The following ATP6V1E1 variants were observed in gnomAD, a reference collection of about 807,000 sequenced individuals.
ATP6V1E1 encodes V-type proton ATPase subunit E 1.
A neutral mutation model predicts 35.2 loss-of-function variants in ATP6V1E1; 21 were observed. The observed-to-expected ratio is 0.60, with a 90% CI of 0.42 to 0.86. ATP6V1E1 has a LOEUF of 0.86. ATP6V1E1 is among the 40% of genes least tolerant of loss of function. ATP6V1E1 has a pLI of 0.00. For missense variants in ATP6V1E1, 183 were observed against 272.6 expected, an observed-to-expected ratio of 0.67 and a Z score of 2.32; for synonymous variants, 83 against 87.8, an observed-to-expected ratio of 0.95 and a Z score of 0.30.
chr22:17,592,603 T>G lies in ATP6V1E1; in HGVS notation c.*71A>C. 1 of 1,468,264 alleles carries G rather than the reference T, an allele frequency of 6.8e-7. No individual in the cohort carries two copies. The highest frequency in any genetic ancestry group is 1.4e-5 in the African/African-American group (1 of 71,646). The allele number at this position is 1,468,264 out of a possible 1,614,324, so 91.0% of individuals were successfully genotyped here. On this transcript the variant is annotated 3_prime_UTR_variant, in exon 9 of 9. Transcript: ENST00000253413. ...GAAGAGGAAGCTACAGAGACATTCG[T>G]GTTTCTTCAAATATCAGAAGCTTCC...
intron 4 of ATP6V1E1, among the ~76,000 whole-genome samples, chr22:17,610,466 C>T (rs2057809871): frequency 6.6e-6 from 1 of 152,060 alleles, no homozygotes; most frequent in Non-Finnish European, 1.5e-5. Context: ...TGATCTTTCT[C>T]AGAATCTTTT....
rs546648718 is a variant in ATP6V1E1 at position 17,621,272 on chromosome 22, C to G, written c.34-1746G>C. Among the ~76,000 whole-genome samples the G allele has an allele frequency of 3.3e-5, 5 of 152,234 alleles. No individual in the cohort carries two copies. In the South Asian group the frequency reaches 8.3e-4, roughly 25 times the overall value. ...ATCTTATCATGTAACACTCTACCCC[C>G]GCTTAAGATAAAGATTTTAGAAGGT... On this transcript the variant is annotated intron_variant, in intron 1 of 8. Transcript: ENST00000253413.
At chr22:17,608,187 T>C (rs779504154) in intron 4 of ATP6V1E1, among the ~76,000 whole-genome samples, 11 of 152,156 alleles carry the variant, frequency 7.2e-5, no homozygotes, top group Non-Finnish European at 1.5e-4. Flanking sequence ...ACTGTTAAAT[T>C]CAAACAGCTT....
At position 17,600,361 on chromosome 22, in the gene ATP6V1E1, C is replaced by CA. The variant is rs552010811; in HGVS notation, c.367-267dup. 2.2e-4 allele frequency among the ~76,000 whole-genome samples: 34 copies of CA among 152,204 alleles called. 1 individual carries two copies. The East Asian group carries it at 5.0e-3, about 22-fold the overall frequency. Reference sequence around the variant, plus strand: ...CTGAGGCAAGAGAATGGCTTGAACCCAGGAGACGGAGGTTGAAGTAAACAG... The same window carrying CA: ...CTGAGGCAAGAGAATGGCTTGAACCCAAGGAGACGGAGGTTGAAGTAAACAG... On this transcript the variant is annotated intron_variant, in intron 5 of 8. Coordinates refer to ENST00000253413, the MANE Select transcript of ATP6V1E1 (RefSeq NM_001696.4).
Position 17,628,695 on chromosome 22 carries a change from T to C in ATP6V1E1, c.-60A>G. On this transcript the variant is annotated 5_prime_UTR_variant, in exon 1 of 9. Transcript: ENST00000253413. ...TCGAGTTTAGGTTTGAAAGGTGAGG[T>C]GAGAGAAATCGGCAAAGGGAACCCC... The C allele has an allele frequency of 5.0e-6, 8 of 1,610,820 alleles. No homozygotes were observed. Among genetic ancestry groups the C allele is most frequent in the Non-Finnish European group, 6.8e-6 (8 of 1,177,204 alleles).
At chr22:17,604,086 A>G (rs1353735400) in intron 4 of ATP6V1E1, among the ~76,000 whole-genome samples, 1 of 152,254 alleles carries the variant, frequency 6.6e-6, no homozygotes, top group Non-Finnish European at 1.5e-5. Context: ...TAAGCAGGCT[A>G]GAACCTAATT....
At chr22:17,597,490 C>A (rs1487033677) in intron 7 of ATP6V1E1, among the ~76,000 whole-genome samples, 1 of 151,904 alleles carries the variant, frequency 6.6e-6, no homozygotes, top group South Asian at 2.1e-4. Context: ...AACCTAACTA[C>A]CAGGCATACA....
intron 8 of ATP6V1E1, 145 bp from the exon 9 acceptor site, chr22:17,592,881 A>G (rs537445186): frequency 1.4e-6 from 1 of 694,894 alleles, no homozygotes; most frequent in East Asian, 2.8e-5. Flanking sequence ...CGCTCATTGC[A>G]AGCTCACGCC....
intron 4 of ATP6V1E1, 193 bp downstream of exon 4, chr22:17,612,619 T>A: frequency 3.6e-6 from 2 of 560,288 alleles, no homozygotes. Flanking sequence ...GAGTCTTACA[T>A]GCTCTTTAGA....
rs924417042 is a variant in ATP6V1E1, at chr22:17,598,116, C to A, written c.530+78G>T. ...AGAGTGCGTTTAAATGGTGAAAATA[C>A]CATTTAAAAAAGGCCTGGTATAAAG... On this transcript the variant is annotated intron_variant, in intron 7 of 8. Coordinates refer to ENST00000253413, the MANE Select transcript of ATP6V1E1 (RefSeq NM_001696.4). 8.0e-6 allele frequency: 9 copies of A among 1,124,844 alleles called. No homozygotes were observed. In the African/African-American group the frequency reaches 1.4e-4, roughly 17 times the overall value. The allele number at this position is 1,124,844 out of a possible 1,614,324, so 69.7% of individuals were successfully genotyped here. A position where few individuals can be genotyped will look rare whatever the true frequency, so the allele number is the denominator to read the frequency against.
chr22:17,619,648 G>T, intron 1 of ATP6V1E1, 122 bp from the exon 2 acceptor site: 1 of 783,818 alleles, frequency 1.3e-6, no homozygotes, highest in Non-Finnish European at 2.0e-6. Flanking sequence ...CACTCTGGGG[G>T]GCCAAGGAGG....
At chr22:17,619,429 A>T in intron 2 of ATP6V1E1, 32 bp downstream of exon 2, 2 of 1,564,970 alleles carry the variant, frequency 1.3e-6, no homozygotes, top group Non-Finnish European at 1.7e-6. Flanking sequence ...GGAAACCTTG[A>T]TAACTTCTTA....
At chr22:17,613,792 C>A (rs1022660168) in intron 2 of ATP6V1E1, among the ~76,000 whole-genome samples, 18 of 151,674 alleles carry the variant, frequency 1.2e-4, no homozygotes, top group African/African-American at 4.1e-4. Context: ...ACGGTGAAAC[C>A]CTGTCTCTAC....
intron 1 of ATP6V1E1, among the ~76,000 whole-genome samples, chr22:17,620,923 G>C (rs761131399): frequency 1.5e-4 from 23 of 152,186 alleles, no homozygotes; most frequent in African/African-American, 5.5e-4. Context: ...ATTAGCCGGC[G>C]TGGTGGCGGG....
At chr22:17,628,124 T>C (rs1370397768) in intron 1 of ATP6V1E1, among the ~76,000 whole-genome samples, 1 of 151,780 alleles carries the variant, frequency 6.6e-6, no homozygotes, top group Non-Finnish European at 1.5e-5. Context: ...CGCCACCACG[T>C]CCGGCTAATT....
intron 4 of ATP6V1E1, among the ~76,000 whole-genome samples, chr22:17,603,914 C>T (rs1269785863): frequency 6.6e-6 from 1 of 152,160 alleles, no homozygotes; most frequent in Non-Finnish European, 1.5e-5. Flanking sequence ...GATAGACAGC[C>T]TGAGTATGGA....
Position 17,611,494 on chromosome 22 carries a change from C to A in ATP6V1E1, c.276+1318G>T, listed in dbSNP as rs571032939. Among the ~76,000 whole-genome samples, 3 of 152,278 alleles carry A rather than the reference C, an allele frequency of 2.0e-5. No individual in the cohort carries two copies. In the South Asian group the frequency reaches 6.2e-4, roughly 32 times the overall value. ...TCTCTATGGTGTCCTAAATATCAGT[C>A]CTTTACACTTAACATCCTCACTGAC... is the stretch of plus-strand genomic sequence containing the variant. On this transcript the variant is annotated intron_variant, in intron 4 of 8. Coordinates refer to ENST00000253413, the MANE Select transcript of ATP6V1E1 (RefSeq NM_001696.4).
At chr22:17,597,864 C>T (rs908892262) in intron 7 of ATP6V1E1, 1 of 253,960 alleles carries the variant, frequency 3.9e-6, no homozygotes, top group Non-Finnish European at 7.7e-6. Flanking sequence ...GATAGGGAGT[C>T]TAGCTCCCTA....
intron 1 of ATP6V1E1, among the ~76,000 whole-genome samples, chr22:17,627,600 C>T (rs1223260533): frequency 6.6e-6 from 1 of 151,042 alleles, no homozygotes; most frequent in Non-Finnish European, 1.5e-5. Flanking sequence ...GGGAAGATCA[C>T]CTGAGGTCAG....
Sources: gnomAD v4.1 joint callset for allele counts (sites outside exome capture counted in the v4.1 genomes callset) on GRCh38, gnomAD v4.1.1 for gene constraint, MANE v1.5 for transcripts, NCBI Gene and HGNC (gene_info 2026-07-23, HGNC 2026-07-21) for gene names.